DLC1: variants seen among roughly 807,000 people sequenced by gnomAD.
DLC1 encodes DLC1 Rho GTPase activating protein.
In DLC1, 54 loss-of-function variants were observed where a neutral mutation model predicts 140.3. That is an observed-to-expected ratio of 0.38 (90% confidence interval 0.31 to 0.48). DLC1 has a LOEUF of 0.48. Ranked by LOEUF, DLC1 falls within the 20% of genes least tolerant of loss-of-function variation. DLC1 has a pLI of 0.96. For missense variants in DLC1, 2,536 were observed against 1,907.0 expected (o/e 1.33, Z -6.14); for synonymous variants, 986 against 728.1 (o/e 1.35, Z -5.70).
intron 5 of DLC1, among the ~76,000 whole-genome samples, chr8:13,235,088 G>A (rs1262462596): frequency 2.0e-5 from 3 of 151,986 alleles, no homozygotes; most frequent in African/African-American, 4.8e-5. Context: ...TTTGTATTGT[G>A]ATAGAGTCTT....
rs1817937973 is a variant in DLC1, at chr8:13,090,283, GTGGAGTAGC to G, written c.4034_4042del (p.Ser1345_Ser1347del). 4.3e-6 allele frequency: 7 copies of G among 1,614,210 alleles called. No homozygotes were observed. The highest frequency in any genetic ancestry group is 5.9e-6 in the Non-Finnish European group (7 of 1,180,044). ...ATAGGACAGCTCAGCCTGCTCCGAA[GTGGAGTAGC>G]TGACCCAGCCTTTAAACTTCTCTTT... On this transcript the variant is annotated inframe_deletion, in exon 15 of 18. Coordinates refer to ENST00000276297, the MANE Select transcript of DLC1 (RefSeq NM_182643.3).
intron 1 of DLC1, among the ~76,000 whole-genome samples, chr8:13,539,157 TC>T (rs1803399291): frequency 6.6e-6 from 1 of 151,058 alleles, no homozygotes; most frequent in African/African-American, 2.4e-5. Context: ...CTGCTTTTTT[TC>T]AGTAGATCTG....
intron 5 of DLC1, among the ~76,000 whole-genome samples, chr8:13,227,161 T>C (rs766846197): frequency 1.4e-4 from 22 of 152,186 alleles, no homozygotes; most frequent in Non-Finnish European, 2.4e-4. Flanking sequence ...TTGCTAATGA[T>C]ATTAGTGATT....
chr8:13,313,233 G>A (rs951135727), intron 4 of DLC1, among the ~76,000 whole-genome samples: 4 of 152,100 alleles, frequency 2.6e-5, no homozygotes, highest in Admixed American at 1.3e-4. Flanking sequence ...CCTCATCCTC[G>A]TGTGCCTAGG....
chr8:13,501,100 A>G (rs1005831337), intron 1 of DLC1, among the ~76,000 whole-genome samples: 5 of 152,212 alleles, frequency 3.3e-5, no homozygotes, highest in African/African-American at 1.2e-4. Context: ...CAAGAATTCA[A>G]GTGAACATAA....
intron 4 of DLC1, among the ~76,000 whole-genome samples, chr8:13,320,967 C>A (rs1420958717): frequency 6.6e-6 from 1 of 152,300 alleles, no homozygotes; most frequent in African/African-American, 2.4e-5. Flanking sequence ...CTTCTGCCAC[C>A]AGTGGAAGAG....
At chr8:13,466,604 T>C (rs1475838404) in intron 2 of DLC1, among the ~76,000 whole-genome samples, 1 of 152,170 alleles carries the variant, frequency 6.6e-6, no homozygotes, top group Non-Finnish European at 1.5e-5. Flanking sequence ...TGGAGGCACC[T>C]TGTAAACATC....
At chr8:13,106,925 T>G (rs1281898369) in intron 7 of DLC1, among the ~76,000 whole-genome samples, 1 of 152,206 alleles carries the variant, frequency 6.6e-6, no homozygotes, top group Non-Finnish European at 1.5e-5. Flanking sequence ...TCACAAGAGG[T>G]ATCCTCGTAG....
chr8:13,506,593 A>ATATATACACG lies in DLC1; in HGVS notation c.-125-6398_-125-6397insCGTGTATATA, dbSNP rs1554534394. Among the ~76,000 whole-genome samples the ATATATACACG allele has an allele frequency of 8.2e-3, 1,089 of 133,162 alleles. 67 individuals carry two copies. The highest frequency in any genetic ancestry group is 0.056 in the East Asian group (202 of 3,636). 87.4% of individuals were successfully genotyped at this position (133,162 alleles called of 152,430 possible). On this transcript the variant is annotated intron_variant, in intron 1 of 17. Coordinates refer to ENST00000276297, the MANE Select transcript of DLC1 (RefSeq NM_182643.3). Reference sequence around the variant, plus strand: ...TGTGTGTGTGTGTGTATATATATATATATATATATATATATACACATATAT... The same window carrying ATATATACACG: ...TGTGTGTGTGTGTGTATATATATATATATATACACGTATATATATATATATACACATATAT...
chr8:13,435,602 C>T (rs563471552), intron 2 of DLC1, among the ~76,000 whole-genome samples: 1 of 152,342 alleles, frequency 6.6e-6, no homozygotes, highest in East Asian at 1.9e-4. Context: ...GAGTGAGCCA[C>T]TGTGCCCAGC....
chr8:13,552,166 T>TGTCTAGAGGTGTATATATATAC lies in DLC1; in HGVS notation c.-125-51971_-125-51970insGTATATATATACACCTCTAGAC, dbSNP rs1803889819. The stretch of plus-strand genomic sequence containing the variant: ...ATCTGTCTAGAGGTACATATATATA[T>TGTCTAGAGGTGTATATATATAC]CTGTCTAGAGGTGTATATATATACC... On this transcript the variant is annotated intron_variant, in intron 1 of 1. Coordinates refer to the DLC1 transcript ENST00000631382. Among the ~76,000 whole-genome samples the TGTCTAGAGGTGTATATATATAC allele has an allele frequency of 6.8e-5, 7 of 103,252 alleles. No homozygotes were observed. The South Asian group carries it at 1.3e-3, about 19-fold the overall frequency. 67.7% of individuals were successfully genotyped at this position (103,252 alleles called of 152,430 possible). A position where few individuals can be genotyped will look rare whatever the true frequency, so the allele number is the denominator to read the frequency against.
intron 4 of DLC1, among the ~76,000 whole-genome samples, chr8:13,311,888 T>G (rs2117551131): frequency 6.6e-6 from 1 of 152,290 alleles, no homozygotes; most frequent in East Asian, 1.9e-4. Flanking sequence ...AACACTGACA[T>G]TTAATGTATT....
At chr8:13,316,172 A>G (rs530847981) in intron 4 of DLC1, among the ~76,000 whole-genome samples, 6 of 152,152 alleles carry the variant, frequency 3.9e-5, no homozygotes, top group Non-Finnish European at 5.9e-5. Flanking sequence ...GAAGTGTCCA[A>G]CGATGCCTCC....
At chr8:13,399,406 G>A (rs756703737) in intron 3 of DLC1, among the ~76,000 whole-genome samples, 19 of 152,252 alleles carry the variant, frequency 1.2e-4, no homozygotes, top group African/African-American at 2.9e-4. Context: ...ACCACTCTCC[G>A]TCAGTGTGAA....
intron 5 of DLC1, among the ~76,000 whole-genome samples, chr8:13,184,875 T>C (rs1370863064): frequency 6.6e-6 from 1 of 152,200 alleles, no homozygotes; most frequent in East Asian, 1.9e-4. Context: ...GACTCACTGA[T>C]TTGTTTAATA....
intron 5 of DLC1, among the ~76,000 whole-genome samples, chr8:13,122,702 C>T (rs1396196254): frequency 6.6e-6 from 1 of 151,096 alleles, no homozygotes; most frequent in Non-Finnish European, 1.5e-5. Context: ...TTATTAAACT[C>T]TAATGTTATC....
At chr8:13,550,903 A>T (rs145991446) in intron 1 of DLC1, among the ~76,000 whole-genome samples, 1 of 152,224 alleles carries the variant, frequency 6.6e-6, no homozygotes, top group African/African-American at 2.4e-5. Context: ...ATAATCATGT[A>T]TGGTCAAATA....
chr8:13,194,695 A>G (rs1452652416), intron 5 of DLC1, among the ~76,000 whole-genome samples: 2 of 152,210 alleles, frequency 1.3e-5, no homozygotes, highest in Non-Finnish European at 2.9e-5. Flanking sequence ...GTAGGCCGCA[A>G]GCATTCCATT....
chr8:13,521,166 C>T (rs1262766314), intron 1 of DLC1, among the ~76,000 whole-genome samples: 1 of 152,010 alleles, frequency 6.6e-6, no homozygotes, highest in Non-Finnish European at 1.5e-5. Flanking sequence ...AAACCAAACA[C>T]TGCATGTTCT....
Sources: gnomAD v4.1 joint callset for allele counts (sites outside exome capture counted in the v4.1 genomes callset) on GRCh38, gnomAD v4.1.1 for gene constraint, MANE v1.5 for transcripts, NCBI Gene and HGNC (gene_info 2026-07-23, HGNC 2026-07-21) for gene names.